The following DNAH7 variants were observed in gnomAD, a reference collection of about 807,000 sequenced individuals.
DNAH7 encodes the protein axonemal beta dynein heavy chain 7.
In DNAH7, 397 loss-of-function variants were observed where a neutral mutation model predicts 444.6. The ratio of observed to expected loss-of-function variants is 0.89; its 90% confidence interval spans 0.82 to 0.97. DNAH7 has a LOEUF of 0.97. Among genes scored for constraint, DNAH7 ranks in the 50% least tolerant of loss-of-function variants. The pLI is 0.00. For synonymous variants in DNAH7, 1,636 were observed against 1,624.4 expected, an observed-to-expected ratio of 1.01 and a Z score of -0.17; for missense variants, 4,902 against 4,800.8, an observed-to-expected ratio of 1.02 and a Z score of -0.62.
intron 21 of DNAH7, among the ~76,000 whole-genome samples, chr2:195,932,034 A>G (rs906320879): frequency 2.6e-5 from 4 of 152,186 alleles, no homozygotes; most frequent in African/African-American, 9.7e-5. Flanking sequence ...TTTTCATGAT[A>G]TTGATTATTC....
chr2:195,898,687 G>A (rs186470582), intron 28 of DNAH7, among the ~76,000 whole-genome samples: 420 of 152,276 alleles, frequency 2.8e-3, no homozygotes, highest in Non-Finnish European at 5.0e-3. Context: ...CTGGCTGCAC[G>A]CCCAGAACGC....
intron 38 of DNAH7, among the ~76,000 whole-genome samples, chr2:195,874,700 T>C (rs1039256872): frequency 2.6e-5 from 4 of 151,960 alleles, no homozygotes; most frequent in African/African-American, 9.7e-5. Context: ...TGCATGCCTG[T>C]AGTCCTAGCT....
intron 63 of DNAH7, among the ~76,000 whole-genome samples, chr2:195,747,365 G>C (rs991042724): frequency 6.6e-6 from 1 of 152,130 alleles, no homozygotes; most frequent in African/African-American, 2.4e-5. Flanking sequence ...CAACCAAAAA[G>C]AGTCCAGGAC....
chr2:195,864,329 G>A lies in DNAH7; in HGVS notation c.7326C>T (p.Arg2442=). The A allele has an allele frequency of 1.2e-6, 2 of 1,614,120 alleles. No individual in the cohort carries two copies. The highest frequency in any genetic ancestry group is 2.7e-5 in the African/African-American group (2 of 75,020). Residue 2442 remains arginine (R), a synonymous_variant, in exon 41 of 65, where the codon CGC becomes CGT. Transcript: ENST00000312428. ...EICDKMRQLD[R]QRDKTKQTDG... The stretch of plus-strand genomic sequence containing the variant: ...CTGTTTGCTTGGTTTTATCCCGCTG[G>A]CGATCTAACTGACGCATCTTATCAC...
chr2:195,851,833 GA>G (rs1476127670), intron 46 of DNAH7, among the ~76,000 whole-genome samples: 4 of 152,334 alleles, frequency 2.6e-5, no homozygotes, highest in African/African-American at 2.4e-5. Flanking sequence ...AAGGGTGGCT[GA>G]AGCTACTCCT....
At chr2:195,885,774 C>T (rs78170475) in intron 34 of DNAH7, among the ~76,000 whole-genome samples, 4,602 of 151,984 alleles carry the variant, frequency 0.03, 87 homozygotes, top group Middle Eastern at 0.054. Context: ...GAAGAAAAAT[C>T]AAGGGAAATA....
rs1574602688 is a variant in DNAH7, at chr2:195,864,311, C to T, written c.7344G>A (p.Lys2448=). The change falls in exon 41 of 65, where the codon AAG becomes AAA. Residue 2448 remains lysine (K), a synonymous_variant. Transcript: ENST00000312428. ...GGGCTATGGGGCTGCCATCTGTTTG[C>T]TTGGTTTTATCCCGCTGGCGATCTA... ...RQLDRQRDKT[K]QTDGSPIALF... 6.2e-7 allele frequency: 1 copy of T among 1,614,146 alleles called. No homozygotes were observed. Among genetic ancestry groups the T allele is most frequent in the Non-Finnish European group, 8.5e-7 (1 of 1,180,030 alleles).
At chr2:195,868,802 G>A (rs1264643461) in intron 40 of DNAH7, among the ~76,000 whole-genome samples, 1 of 150,088 alleles carries the variant, frequency 6.7e-6, no homozygotes, top group Non-Finnish European at 1.5e-5. Flanking sequence ...ATGTCTCAGA[G>A]CCATGGAGAA....
chr2:195,922,306 T>C, intron 23 of DNAH7, 109 bp from the exon 24 acceptor site: 1 of 623,384 alleles, frequency 1.6e-6, no homozygotes, highest in Non-Finnish European at 2.8e-6. Flanking sequence ...TAAAGTTCAC[T>C]TTTCAGGTGT....
intron 19 of DNAH7, among the ~76,000 whole-genome samples, chr2:195,948,847 G>C (rs868321939): frequency 6.6e-6 from 1 of 152,288 alleles, no homozygotes; most frequent in South Asian, 2.1e-4. Flanking sequence ...ATAGCAGCTT[G>C]ATGAAGATAG....
chr2:195,926,706 G>C (rs573444373), intron 21 of DNAH7, 140 bp from the exon 22 acceptor site: 1 of 660,870 alleles, frequency 1.5e-6, no homozygotes, highest in South Asian at 3.8e-5. Flanking sequence ...CACTTAAACC[G>C]TGTGATTACA....
At chr2:196,007,383 T>C (rs1260116937) in intron 10 of DNAH7, among the ~76,000 whole-genome samples, 1 of 152,172 alleles carries the variant, frequency 6.6e-6, no homozygotes, top group Non-Finnish European at 1.5e-5. Flanking sequence ...AAATAATAAA[T>C]TTGGGCTCCT....
intron 22 of DNAH7, among the ~76,000 whole-genome samples, chr2:195,925,968 C>A (rs1688305026): frequency 6.6e-6 from 1 of 151,860 alleles, no homozygotes; most frequent in Non-Finnish European, 1.5e-5. Context: ...TTTAAATATT[C>A]ATAATTATTA....
At position 195,737,915 on chromosome 2, in the gene DNAH7, T is replaced by C; in HGVS notation, c.*6A>G. ...GAAATAGGAACAAGGAAATGATGTCTTCTGGTTATGAATTAAGTTGACATA... is the reference window on the plus strand; with the variant it reads ...GAAATAGGAACAAGGAAATGATGTCCTCTGGTTATGAATTAAGTTGACATA... On this transcript the variant is annotated 3_prime_UTR_variant, in exon 65 of 65. Coordinates refer to ENST00000312428, the MANE Select transcript of DNAH7 (RefSeq NM_018897.3). 6.2e-7 allele frequency: 1 copy of C among 1,613,486 alleles called. No individual in the cohort carries two copies. The highest frequency in any genetic ancestry group is 8.5e-7 in the Non-Finnish European group (1 of 1,179,454).
intron 8 of DNAH7, among the ~76,000 whole-genome samples, chr2:196,020,362 T>C (rs956348419): frequency 3.3e-5 from 5 of 152,156 alleles, no homozygotes; most frequent in African/African-American, 1.2e-4. Context: ...CTCTTATGAC[T>C]TTAATAATCA....
intron 40 of DNAH7, among the ~76,000 whole-genome samples, chr2:195,871,507 T>C (rs546641793): frequency 6.6e-6 from 1 of 152,208 alleles, no homozygotes; most frequent in African/African-American, 2.4e-5. Flanking sequence ...CCAAGAGAGC[T>C]TAAATACATT....
At chr2:196,058,683 T>A (rs956041745) in intron 1 of DNAH7, among the ~76,000 whole-genome samples, 5 of 151,958 alleles carry the variant, frequency 3.3e-5, no homozygotes, top group Admixed American at 2.6e-4. Context: ...TTGAAAAAAA[T>A]TAAAGTTCTT....
At chr2:195,878,889 C>T (rs142559175) in intron 36 of DNAH7, among the ~76,000 whole-genome samples, 57 of 152,198 alleles carry the variant, frequency 3.7e-4, no homozygotes, top group Middle Eastern at 6.8e-3. Flanking sequence ...TTCACTCTTC[C>T]TCATTAACTG....
chr2:195,800,244 A>G (rs1255798568), intron 54 of DNAH7, among the ~76,000 whole-genome samples: 1 of 152,178 alleles, frequency 6.6e-6, no homozygotes, highest in Non-Finnish European at 1.5e-5. Context: ...TTTCAAGGTG[A>G]GCTTTGGTGG....
Sources: allele counts gnomAD v4.1 joint callset (sites outside exome capture counted in the v4.1 genomes callset), GRCh38; gene constraint gnomAD v4.1.1; transcripts MANE v1.5; gene names NCBI Gene and HGNC (gene_info 2026-07-23, HGNC 2026-07-21).